Variants in ADGRL2 observed in about 807,000 individuals in gnomAD.
ADGRL2 encodes adhesion G protein-coupled receptor L2.
ADGRL2 carries 44 observed loss-of-function variants against 157.4 expected under a neutral mutation model. The observed-to-expected ratio is 0.28, with a 90% CI of 0.22 to 0.36. ADGRL2 has a LOEUF of 0.36. Among genes scored for constraint, ADGRL2 ranks in the 10% least tolerant of loss-of-function variants. ADGRL2 has a pLI of 1.00. For missense variants in ADGRL2, 1,510 were observed against 1,768.9 expected (o/e 0.85, Z 2.63); for synonymous variants, 585 against 624.7 (o/e 0.94, Z 0.95).
intron 3 of ADGRL2, among the ~76,000 whole-genome samples, chr1:81,648,964 G>T (rs1223862542): frequency 6.6e-6 from 1 of 152,176 alleles, no homozygotes; most frequent in Non-Finnish European, 1.5e-5. Context: ...GTATCACAGG[G>T]TTTGCCCAGA....
At chr1:81,780,858 C>A (rs2086783349) in intron 2 of ADGRL2, among the ~76,000 whole-genome samples, 2 of 135,652 alleles carry the variant, frequency 1.5e-5, no homozygotes, top group Non-Finnish European at 3.2e-5. Flanking sequence ...CAGGCTATGT[C>A]CCCCCACAGA....
At chr1:81,938,116 TACTGAGTAC>T (rs1470884061) in intron 4 of ADGRL2, among the ~76,000 whole-genome samples, 1 of 151,788 alleles carries the variant, frequency 6.6e-6, no homozygotes, top group Non-Finnish European at 1.5e-5. Context: ...ATTGGAAGCC[TACTGAGTAC>T]ACTGATCTTT....
intron 3 of ADGRL2, among the ~76,000 whole-genome samples, chr1:81,932,297 A>AT (rs1458631459): frequency 6.6e-6 from 1 of 152,212 alleles, no homozygotes; most frequent in African/African-American, 2.4e-5. Context: ...CTCAGATAAT[A>AT]TACTTATTTC....
chr1:81,381,598 C>A (rs895778710), intron 1 of ADGRL2, among the ~76,000 whole-genome samples: 1 of 152,036 alleles, frequency 6.6e-6, no homozygotes, highest in Non-Finnish European at 1.5e-5. Context: ...AGCAAAATAG[C>A]CTTCTTTTTC....
Position 81,969,313 on chromosome 1 carries a change from C to T in ADGRL2, c.2659C>T (p.His887Tyr). 8 of 1,613,968 alleles carry T rather than the reference C, an allele frequency of 5.0e-6. No homozygotes were observed. Among genetic ancestry groups the T allele is most frequent in the Non-Finnish European group, 6.8e-6 (8 of 1,179,878 alleles). Residue 887 changes from histidine (H) to tyrosine (Y), a missense_variant, in exon 15 of 24, where the codon CAC becomes TAC. By Grantham distance (83) the His-to-Tyr change is moderately conservative. Coordinates refer to ENST00000686636, the MANE Select transcript of ADGRL2 (RefSeq NM_001366006.2). ...RGLQSDRNTI[H>Y]KNLCINLFIA... ...CCTACAGAGTGACCGAAATACTATT[C>T]ACAAGAACCTTTGTATCAACCTTTT... is the stretch of plus-strand genomic sequence containing the variant.
intron 20 of ADGRL2, among the ~76,000 whole-genome samples, 161 bp from the exon 21 acceptor site, chr1:81,985,098 A>G (rs920936296): frequency 2.0e-5 from 3 of 152,130 alleles, no homozygotes; most frequent in African/African-American, 7.2e-5. Context: ...GTAAATAAAC[A>G]ATAGATATTG....
At chr1:81,597,887 G>C (rs2081265798) in intron 3 of ADGRL2, among the ~76,000 whole-genome samples, 1 of 152,176 alleles carries the variant, frequency 6.6e-6, no homozygotes, top group East Asian at 1.9e-4. Flanking sequence ...AATAGAAGAT[G>C]TGTTTTCAAG....
intron 2 of ADGRL2, among the ~76,000 whole-genome samples, chr1:81,577,681 G>A (rs530900531): frequency 2.4e-4 from 37 of 152,272 alleles, no homozygotes; most frequent in African/African-American, 8.7e-4. Flanking sequence ...CTATGCTCAT[G>A]TACCAGTTTC....
intron 2 of ADGRL2, among the ~76,000 whole-genome samples, chr1:81,789,426 T>A (rs1426851326): frequency 6.6e-6 from 1 of 152,122 alleles, no homozygotes; most frequent in East Asian, 1.9e-4. Context: ...TTTGAAAACT[T>A]TTTTTAAAAG....
intron 2 of ADGRL2, among the ~76,000 whole-genome samples, chr1:81,555,226 C>T (rs901185966): frequency 6.6e-6 from 1 of 151,464 alleles, no homozygotes; most frequent in Non-Finnish European, 1.5e-5. Context: ...GAAAACCTCA[C>T]CCAGTGAGAG....
chr1:81,762,107 T>C (rs1027948543), intron 2 of ADGRL2, among the ~76,000 whole-genome samples: 1 of 152,112 alleles, frequency 6.6e-6, no homozygotes, highest in Non-Finnish European at 1.5e-5. Flanking sequence ...CAGTTGAACA[T>C]AGTATATCCA....
intron 1 of ADGRL2, among the ~76,000 whole-genome samples, chr1:81,754,119 A>T (rs1384249853): frequency 2.0e-5 from 3 of 152,066 alleles, no homozygotes; most frequent in Non-Finnish European, 4.4e-5. Flanking sequence ...GAAACTAAAA[A>T]ATGCCAATAA....
In ADGRL2 at chr1:81,960,757, G is replaced by T. The variant is rs535494592; in HGVS notation, c.2017+4697G>T. On this transcript the variant is annotated intron_variant, in intron 11 of 23. Coordinates refer to ENST00000686636, the MANE Select transcript of ADGRL2 (RefSeq NM_001366006.2). Reference sequence around the variant, plus strand: ...CAAAGTGCTGGGATTAAAGGTGTGAGCCACCGCCCCTGGCCTTATTTATTG... The same window carrying T: ...CAAAGTGCTGGGATTAAAGGTGTGATCCACCGCCCCTGGCCTTATTTATTG... Among the ~76,000 whole-genome samples, 16 of 152,282 alleles carry T rather than the reference G, an allele frequency of 1.1e-4. No homozygotes were observed. The South Asian group carries it at 3.3e-3, about 32-fold the overall frequency.
intron 3 of ADGRL2, among the ~76,000 whole-genome samples, chr1:81,687,553 C>T (rs1053620725): frequency 2.0e-5 from 3 of 152,274 alleles, no homozygotes; most frequent in Non-Finnish European, 1.5e-5. Context: ...AGGTGAGTCT[C>T]CTGAAGGCAT....
At chr1:81,896,207 A>G (rs1235274853) in intron 2 of ADGRL2, among the ~76,000 whole-genome samples, 2 of 152,154 alleles carry the variant, frequency 1.3e-5, no homozygotes, top group Non-Finnish European at 2.9e-5. Context: ...CATTATACAG[A>G]GTTACTTAAG....
chr1:81,722,559 A>G lies in ADGRL2; in HGVS notation c.-143+22751A>G, dbSNP rs1182292364. The G allele has an allele frequency of 2.6e-5, 40 of 1,514,974 alleles. No homozygotes were observed. In the East Asian group the frequency reaches 8.8e-4, roughly 33 times the overall value. The allele number at this position is 1,514,974 out of a possible 1,614,324, so 93.8% of individuals were successfully genotyped here. A position where few individuals can be genotyped will look rare whatever the true frequency, so the allele number is the denominator to read the frequency against. ...ATTCAGCTCAGCCTTACAAATGGCG[A>G]GGGAAAGCACACAGACGCCTAGGCC... is the stretch of plus-strand genomic sequence containing the variant. On this transcript the variant is annotated intron_variant, in intron 1 of 20. Coordinates refer to the ADGRL2 transcript ENST00000359929.
At chr1:81,746,547 C>T (rs1480252032) in intron 1 of ADGRL2, among the ~76,000 whole-genome samples, 1 of 152,078 alleles carries the variant, frequency 6.6e-6, no homozygotes, top group Non-Finnish European at 1.5e-5. Flanking sequence ...GCCTTGGCCT[C>T]CCAAAGTACT....
intron 2 of ADGRL2, among the ~76,000 whole-genome samples, chr1:81,482,605 T>G (rs2078413550): frequency 6.6e-6 from 1 of 152,190 alleles, no homozygotes; most frequent in African/African-American, 2.4e-5. Context: ...AACCTGCGTT[T>G]CCATCGCTAT....
chr1:81,636,875 G>A (rs1049106130), intron 3 of ADGRL2, among the ~76,000 whole-genome samples: 4 of 151,990 alleles, frequency 2.6e-5, no homozygotes, highest in Non-Finnish European at 5.9e-5. Context: ...TCCCTCTGTC[G>A]CCCAGATGGG....
Sources: gnomAD v4.1 joint callset for allele counts (sites outside exome capture counted in the v4.1 genomes callset) on GRCh38, gnomAD v4.1.1 for gene constraint, MANE v1.5 for transcripts, NCBI Gene and HGNC (gene_info 2026-07-23, HGNC 2026-07-21) for gene names.